Variants in MDGA1 observed in about 807,000 individuals in gnomAD.
MDGA1 encodes the protein MAM domain containing glycosylphosphatidylinositol anchor 1, also known as MAM domain-containing glycosylphosphatidylinositol anchor protein 1.
In MDGA1, 54 loss-of-function variants were observed where a neutral mutation model predicts 101.5. That is an observed-to-expected ratio of 0.53 (90% CI 0.43 to 0.67). The LOEUF (loss-of-function observed/expected upper bound fraction) is 0.67. Among genes scored for constraint, MDGA1 ranks in the 30% least tolerant of loss-of-function variants. The pLI is 0.00. For synonymous variants in MDGA1, 533 were observed against 558.3 expected (o/e 0.95, Z 0.64); for missense variants, 1,083 against 1,323.8 (o/e 0.82, Z 2.82).
At chr6:37,685,145 A>G (rs1385897918) in intron 1 of MDGA1, among the ~76,000 whole-genome samples, 1 of 152,144 alleles carries the variant, frequency 6.6e-6, no homozygotes, top group African/African-American at 2.4e-5. Context: ...CTACAAAAAT[A>G]CAAAAAATTA....
At position 37,637,071 on chromosome 6, in the gene MDGA1, CCT is replaced by C. The variant is rs1290296277; in HGVS notation, c.*295_*296del. The stretch of plus-strand genomic sequence containing the variant: ...TGGCGGATGCCATTCAGGCAAGTCC[CCT>C]GTCTTTGCAGTAAAGAAGGTGCTGG... On this transcript the variant is annotated 3_prime_UTR_variant, in exon 17 of 17. Transcript: ENST00000434837. The C allele has an allele frequency of 6.7e-6, 2 of 299,540 alleles. No individual in the cohort carries two copies. The highest frequency in any genetic ancestry group is 6.2e-6 in the Non-Finnish European group (1 of 160,850). 18.6% of individuals were successfully genotyped at this position (299,540 alleles called of 1,614,324 possible).
Position 37,658,355 on chromosome 6 carries a change from T to G in MDGA1, c.272A>C (p.Glu91Ala). ...DKFQETSVFNETLRIERIART... is the reference protein window; with the variant it reads ...DKFQETSVFNATLRIERIART... ...TGCAATACGCTCGATGCGCAGCGTC[T>G]CGTTGAACACCGATGTCTCCTGGAA... The change falls in exon 3 of 17, where the codon GAG (glutamate) becomes GCG (alanine). Residue 91 changes from glutamate (E) to alanine (A), a missense_variant. Glu to Ala is a moderately radical substitution (Grantham distance 107, BLOSUM62 -1). Coordinates refer to ENST00000434837, the MANE Select transcript of MDGA1 (RefSeq NM_153487.4). 1.2e-6 allele frequency: 2 copies of G among 1,613,218 alleles called. No individual in the cohort carries two copies. The highest frequency in any genetic ancestry group is 1.7e-6 in the Non-Finnish European group (2 of 1,179,708).
Position 37,655,360 on chromosome 6 carries a change from C to T in MDGA1, c.579+340G>A, listed in dbSNP as rs893436545. ...CCCATGGGAAGAGGAGTCATCTCCTCGCCCCCAGATCCTGCTGTGCCTGGC... is the reference window on the plus strand; with the variant it reads ...CCCATGGGAAGAGGAGTCATCTCCTTGCCCCCAGATCCTGCTGTGCCTGGC... On this transcript the variant is annotated intron_variant, in intron 4 of 16. Transcript: ENST00000434837. The surrounding 1 kb of genome is among the most constrained non-coding windows in gnomAD (Gnocchi z 5.1). 3 of 337,034 alleles carry T rather than the reference C, an allele frequency of 8.9e-6. No homozygotes were observed. Among genetic ancestry groups the T allele is most frequent in the South Asian group, 9.5e-5 (2 of 20,998 alleles). 20.9% of individuals were successfully genotyped at this position (337,034 alleles called of 1,614,324 possible).
chr6:37,665,827 C>T (rs915817618), intron 1 of MDGA1, among the ~76,000 whole-genome samples: 76 of 152,208 alleles, frequency 5.0e-4, no homozygotes, highest in Non-Finnish European at 1.3e-4. Context: ...GAACATGAGA[C>T]GCATGTAACA....
chr6:37,670,995 C>T (rs1761857445), intron 1 of MDGA1, among the ~76,000 whole-genome samples: 2 of 152,190 alleles, frequency 1.3e-5, no homozygotes, highest in Non-Finnish European at 2.9e-5. Flanking sequence ...TGCTTGACAC[C>T]ATATTAGTGG....
In MDGA1 at chr6:37,652,456, G is replaced by T. The variant is rs1761393397; in HGVS notation, c.983-116C>A. The T allele has an allele frequency of 1.5e-6, 1 of 668,082 alleles. No homozygotes were observed. Among genetic ancestry groups the T allele is most frequent in the Non-Finnish European group, 2.5e-6 (1 of 398,612 alleles). The allele number at this position is 668,082 out of a possible 1,614,324, so 41.4% of individuals were successfully genotyped here. On this transcript the variant is annotated intron_variant, in intron 6 of 16. Transcript: ENST00000434837. The surrounding 1 kb of genome is among the most constrained non-coding windows in gnomAD (Gnocchi z 4.3). ...CTAGCTGGCCCTTCTGGGGATAGGGGGCTACAACTCCCCCAGGTGAAACTA... is the reference window on the plus strand; with the variant it reads ...CTAGCTGGCCCTTCTGGGGATAGGGTGCTACAACTCCCCCAGGTGAAACTA...
Position 37,696,481 on chromosome 6 carries a change from C to T in MDGA1, c.67+264G>A, listed in dbSNP as rs541277055. ...GCCGACCGGGTGCTCTCAAGGGTTCCTAATCATTCCCACCTCTAGCAGGGT... is the reference window on the plus strand; with the variant it reads ...GCCGACCGGGTGCTCTCAAGGGTTCTTAATCATTCCCACCTCTAGCAGGGT... On this transcript the variant is annotated intron_variant, in intron 1 of 16. Coordinates refer to ENST00000434837, the MANE Select transcript of MDGA1 (RefSeq NM_153487.4). The surrounding 1 kb of genome is among the most constrained non-coding windows in gnomAD (Gnocchi z 5.6). Among the ~76,000 whole-genome samples the T allele has an allele frequency of 3.1e-3, 472 of 152,300 alleles. No homozygotes were observed. The highest frequency in any genetic ancestry group is 6.1e-3 in the Non-Finnish European group (418 of 68,006).
rs1200394563 is a variant in MDGA1 at position 37,650,143 on chromosome 6, G to A, written c.1575C>T (p.Arg525=). 2.5e-6 allele frequency: 4 copies of A among 1,607,118 alleles called. No individual in the cohort carries two copies. The highest frequency in any genetic ancestry group is 3.4e-6 in the Non-Finnish European group (4 of 1,174,472). ...QTARYNGFNV[R]PREAQVQLNV... is the part of the protein sequence containing the mutation. ...TCAGCTGCACCTGGGCCTCACGGGG[G>A]CGCACGTTGAAGCCATTATAGCGGG... The change falls in exon 8 of 17, where the codon CGC becomes CGT. Residue 525 remains arginine (R), a synonymous_variant. Coordinates refer to ENST00000434837, the MANE Select transcript of MDGA1 (RefSeq NM_153487.4).
chr6:37,646,403 C>T (rs747941264), intron 10 of MDGA1, 28 bp from the exon 11 acceptor site: 10 of 1,433,972 alleles, frequency 7.0e-6, no homozygotes, highest in Non-Finnish European at 7.4e-6. Context: ...TTCCCAGATG[C>T]CTAGGAAGTC....
intron 1 of MDGA1, among the ~76,000 whole-genome samples, chr6:37,667,070 G>C (rs976874219): frequency 2.8e-4 from 43 of 152,212 alleles, no homozygotes; most frequent in African/African-American, 8.4e-4. Flanking sequence ...GCTGCAAGTA[G>C]GGCCTTCCCC....
At position 37,649,173 on chromosome 6, in the gene MDGA1, T is replaced by G; in HGVS notation, c.1703A>C (p.Gln568Pro). Residue 568 changes from glutamine to proline, a missense_variant, in exon 9 of 17, where the codon CAG becomes CCG. Around this residue, in one of 3 missense-constraint regions of MDGA1, gnomAD observed 657 missense variants for 771.4 expected, o/e 0.85. Transcript: ENST00000434837. The stretch of plus-strand genomic sequence containing the variant: ...ACGCCACACAGCCGAGGCGATGCGC[T>G]GGGGGCTGCCTCGCAGCAGCGAGCA... ...LRCSLLRGSP[Q>P]RIASAVWRFK... 1 of 1,499,058 alleles carries G rather than the reference T, an allele frequency of 6.7e-7. No individual in the cohort carries two copies. The highest frequency in any genetic ancestry group is 8.8e-7 in the Non-Finnish European group (1 of 1,132,350). 92.9% of individuals were successfully genotyped at this position (1,499,058 alleles called of 1,614,324 possible).
chr6:37,684,277 G>A (rs1581629068), intron 1 of MDGA1, among the ~76,000 whole-genome samples: 1 of 152,310 alleles, frequency 6.6e-6, no homozygotes, highest in Middle Eastern at 3.4e-3. Flanking sequence ...ACACTACCAA[G>A]CAGGCTCACC....
At chr6:37,683,164 C>T (rs1368900295) in intron 1 of MDGA1, among the ~76,000 whole-genome samples, 1 of 152,206 alleles carries the variant, frequency 6.6e-6, no homozygotes, top group Non-Finnish European at 1.5e-5. Context: ...TGATGCTCAA[C>T]CCTGTCCTCC....
rs708023 is a variant in MDGA1, at chr6:37,636,559, C to A, written c.*809G>T. On this transcript the variant is annotated 3_prime_UTR_variant, in exon 17 of 17. Coordinates refer to ENST00000434837, the MANE Select transcript of MDGA1 (RefSeq NM_153487.4). ...TCTGAGACCCAGCTGGGGGCTGAGG[C>A]TAGGAGAGAACCGTGTTCTCAGGAG... is the stretch of plus-strand genomic sequence containing the variant. The A allele has an allele frequency of 0.37, 56,737 of 152,162 alleles. 10,745 individuals carry two copies. Among genetic ancestry groups the A allele is most frequent in the Admixed American group, 0.43 (6,626 of 15,276 alleles). The allele number at this position is 152,162 out of a possible 1,614,324, so 9.4% of individuals were successfully genotyped here. A position where few individuals can be genotyped will look rare whatever the true frequency, so the allele number is the denominator to read the frequency against.
In MDGA1 at chr6:37,630,977, C is replaced by T. The variant is rs1049959654; in HGVS notation, c.*6391G>A. 5.3e-5 allele frequency: 8 copies of T among 152,222 alleles called. No individual in the cohort carries two copies. The highest frequency in any genetic ancestry group is 1.9e-4 in the African/African-American group (8 of 41,440). 9.4% of individuals were successfully genotyped at this position (152,222 alleles called of 1,614,324 possible). The stretch of plus-strand genomic sequence containing the variant: ...CTGAAGCTCCAAGGCATCTTCAACT[C>T]AGCATGTCACATTCTATTGCACAAA... On this transcript the variant is annotated 3_prime_UTR_variant, in exon 17 of 17. Coordinates refer to ENST00000434837, the MANE Select transcript of MDGA1 (RefSeq NM_153487.4).
chr6:37,651,934 G>A (rs1368045167), intron 7 of MDGA1, 77 bp downstream of exon 7: 60 of 1,275,218 alleles, frequency 4.7e-5, no homozygotes, highest in Middle Eastern at 4.7e-4. Flanking sequence ...TTCCCAAGCC[G>A]TTGCCTCCCC....
rs764373821 is a variant in MDGA1, at chr6:37,652,191, C to T, written c.1132G>A (p.Ala378Thr). ...ACCAGCAGCCGCTTGGACATGCGTG[C>T]CGGCTTGCCATTCTTGAACCACTGG... ...TYQWFKNGKPARMSKRLLVTR... is the reference protein window; with the variant it reads ...TYQWFKNGKPTRMSKRLLVTR... Residue 378 changes from alanine (A) to threonine (T), a missense_variant, in exon 7 of 17, where the codon GCA becomes ACA. Ala to Thr is a moderately conservative substitution (Grantham distance 58). Transcript: ENST00000434837. The surrounding 1 kb of genome is among the most constrained non-coding windows in gnomAD (Gnocchi z 4.3). 1.2e-6 allele frequency: 2 copies of T among 1,614,028 alleles called. No homozygotes were observed. Among genetic ancestry groups the T allele is most frequent in the Admixed American group, 1.7e-5 (1 of 60,024 alleles).
intron 14 of MDGA1, among the ~76,000 whole-genome samples, chr6:37,641,091 C>T (rs894996028): frequency 1.3e-5 from 2 of 152,172 alleles, no homozygotes; most frequent in Non-Finnish European, 2.9e-5. Context: ...TTCCCTCCTC[C>T]CCTCCCACTC....
At chr6:37,648,667 G>A (rs556157717) in intron 9 of MDGA1, 1 of 445,156 alleles carries the variant, frequency 2.2e-6, no homozygotes, top group South Asian at 3.9e-5. Flanking sequence ...TAATGGGCGG[G>A]GCTTAGGACT....
Sources: gnomAD v4.1 joint callset for allele counts (sites outside exome capture counted in the v4.1 genomes callset) on GRCh38, gnomAD v4.1.1 for gene constraint, gnomAD v4.1.1 regional missense constraint, Gnocchi (gnomAD v3.1) non-coding constraint, MANE v1.5 for transcripts, NCBI Gene and HGNC (gene_info 2026-07-23, HGNC 2026-07-21) for gene names.